Variants in SYCE2 observed in about 807,000 individuals in gnomAD.
SYCE2 encodes central element synaptonemal complex 1.
In SYCE2, 3 loss-of-function variants were observed where a neutral mutation model predicts 27.9. The observed-to-expected ratio is 0.11, with a 90% CI of 0.05 to 0.28. The LOEUF (loss-of-function observed/expected upper bound fraction) is 0.28, where lower values mean the gene tolerates loss of function less well. SYCE2 is among the 10% of genes least tolerant of loss of function. The pLI is 1.00. For synonymous variants in SYCE2, 85 were observed against 100.7 expected, an observed-to-expected ratio of 0.84 and a Z score of 0.93; for missense variants, 207 against 263.5, an observed-to-expected ratio of 0.79 and a Z score of 1.48.
At chr19:12,903,583 C>T (rs1374955087) in intron 3 of SYCE2, among the ~76,000 whole-genome samples, 1 of 152,010 alleles carries the variant, frequency 6.6e-6, no homozygotes, top group African/African-American at 2.4e-5. Context: ...GACGGGGTTT[C>T]ACCATGTTGG....
intron 2 of SYCE2, among the ~76,000 whole-genome samples, chr19:12,916,751 G>A (rs1015917927): frequency 2.0e-5 from 3 of 152,038 alleles, no homozygotes; most frequent in South Asian, 4.2e-4. Flanking sequence ...GTGTGCAACC[G>A]CACCACACCA....
At chr19:12,900,264 C>T (rs368686817) in intron 4 of SYCE2, 144 bp from the exon 5 acceptor site, 37 of 1,149,286 alleles carry the variant, frequency 3.2e-5, no homozygotes, top group East Asian at 2.7e-4. Flanking sequence ...GACATGACAA[C>T]GGTTTGGCTT....
At chr19:12,901,634 C>T (rs938796896) in intron 3 of SYCE2, among the ~76,000 whole-genome samples, 6 of 152,082 alleles carry the variant, frequency 3.9e-5, no homozygotes, top group Admixed American at 1.3e-4. Context: ...TGTTTTCTTG[C>T]GGCGGAGTTT....
At chr19:12,901,093 C>T (rs956777655) in intron 3 of SYCE2, among the ~76,000 whole-genome samples, 13 of 151,672 alleles carry the variant, frequency 8.6e-5, no homozygotes, top group Non-Finnish European at 1.3e-4. Flanking sequence ...GGCGTGAACC[C>T]GGGCGGCGGA....
intron 2 of SYCE2, among the ~76,000 whole-genome samples, chr19:12,910,539 AT>A (rs1183379764): frequency 6.7e-6 from 1 of 149,688 alleles, no homozygotes; most frequent in African/African-American, 2.5e-5. Flanking sequence ...CGCCCGGCTA[AT>A]TTTTGTATTT....
intron 2 of SYCE2, among the ~76,000 whole-genome samples, chr19:12,917,205 C>T (rs1019098683): frequency 6.6e-6 from 1 of 151,660 alleles, no homozygotes; most frequent in African/African-American, 2.4e-5. Context: ...GCTGGGATTA[C>T]AAGTGTCTGT....
chr19:12,913,228 A>C (rs570714290), intron 2 of SYCE2, among the ~76,000 whole-genome samples: 1 of 152,206 alleles, frequency 6.6e-6, no homozygotes, highest in Non-Finnish European at 1.5e-5. Flanking sequence ...TGCGAGGATT[A>C]GGACATAGTT....
rs1039073982 is a variant in SYCE2, at chr19:12,918,614, G to A, written c.16-277C>T. Among the ~76,000 whole-genome samples, 3 of 152,132 alleles carry A rather than the reference G, an allele frequency of 2.0e-5. No homozygotes were observed. In the East Asian group the frequency reaches 5.8e-4, roughly 29 times the overall value. Reference sequence around the variant, plus strand: ...ACTGGAGGACCTGGGCTCCTAACTGGTATGTGTGTTGGCTGGAGTCCTTCG... The same window carrying A: ...ACTGGAGGACCTGGGCTCCTAACTGATATGTGTGTTGGCTGGAGTCCTTCG... On this transcript the variant is annotated intron_variant, in intron 1 of 5. Coordinates refer to ENST00000293695, the MANE Select transcript of SYCE2 (RefSeq NM_001105578.2).
At position 12,919,155 on chromosome 19, in the gene SYCE2, G is replaced by A. The variant is rs1971196306; in HGVS notation, c.15+88C>T. On this transcript the variant is annotated intron_variant, in intron 1 of 5. Transcript: ENST00000293695. ...GGCAAAGGACAAGCGGCCGGGCTCG[G>A]GTCCGCTGGAGATGGCTGGGATCGC... 4.5e-6 allele frequency: 7 copies of A among 1,563,366 alleles called. No homozygotes were observed. In the South Asian group the frequency reaches 5.5e-5, roughly 12 times the overall value.
rs370920733 is a variant in SYCE2, at chr19:12,900,066, G to A, written c.550C>T (p.Arg184Cys). 204 of 1,613,688 alleles carry A rather than the reference G, an allele frequency of 1.3e-4. No homozygotes were observed. Among genetic ancestry groups the A allele is most frequent in the Non-Finnish European group, 1.7e-4 (197 of 1,179,980 alleles). The change falls in exon 5 of 6, where the codon CGT becomes TGT. Residue 184 changes from arginine (R) to cysteine (C), a missense_variant. Transcript: ENST00000293695. ...TCTGGGGGCTGTGAGTTGCCGGGAC[G>A]TGGTGGGGACTTTCCCCTAGAGTGG... is the stretch of plus-strand genomic sequence containing the variant. ...PDHSRGKSPPRPGNSQPPDVF... is the reference protein window; with the variant it reads ...PDHSRGKSPPCPGNSQPPDVF...
intron 1 of SYCE2, among the ~76,000 whole-genome samples, chr19:12,919,001 T>C (rs1599645983): frequency 6.6e-6 from 1 of 151,332 alleles, no homozygotes; most frequent in East Asian, 1.9e-4. Flanking sequence ...GCGTGGGTGT[T>C]TGTGCCTTTC....
chr19:12,910,169 C>T (rs1015327247), intron 2 of SYCE2, among the ~76,000 whole-genome samples: 2 of 151,450 alleles, frequency 1.3e-5, no homozygotes, highest in Admixed American at 1.3e-4. Flanking sequence ...CCGGCCCTAC[C>T]TTCTTAATGT....
intron 2 of SYCE2, among the ~76,000 whole-genome samples, chr19:12,905,486 C>G (rs1970918152): frequency 6.6e-6 from 1 of 151,926 alleles, no homozygotes; most frequent in Admixed American, 6.6e-5. Flanking sequence ...CGCCCGCCAC[C>G]ACGTCCAGCT....
At chr19:12,910,677 A>ATT (rs199800986) in intron 2 of SYCE2, among the ~76,000 whole-genome samples, 3,036 of 144,750 alleles carry the variant, frequency 0.021, 48 homozygotes, top group Middle Eastern at 0.077. Flanking sequence ...CTGACCTTTT[A>ATT]TATATATATA....
chr19:12,904,826 C>A, intron 2 of SYCE2, 160 bp from the exon 3 acceptor site: 1 of 764,168 alleles, frequency 1.3e-6, no homozygotes, highest in Non-Finnish European at 2.0e-6. Context: ...GGTGAAACCT[C>A]GTCTCTAGTA....
chr19:12,904,150 C>T (rs763614169), intron 3 of SYCE2, among the ~76,000 whole-genome samples: 8 of 152,172 alleles, frequency 5.3e-5, no homozygotes, highest in Admixed American at 3.3e-4. Context: ...GGGCATCCAA[C>T]GCCCCGCTCC....
intron 2 of SYCE2, among the ~76,000 whole-genome samples, chr19:12,910,963 C>T (rs1169158553): frequency 6.6e-6 from 1 of 152,104 alleles, no homozygotes; most frequent in Non-Finnish European, 1.5e-5. Flanking sequence ...AGGCGTGAGC[C>T]ACCGCACCCG....
chr19:12,913,382 GT>G (rs1315074794), intron 2 of SYCE2, among the ~76,000 whole-genome samples: 2 of 152,140 alleles, frequency 1.3e-5, no homozygotes, highest in Admixed American at 1.3e-4. Flanking sequence ...CCCTCCCTCC[GT>G]GGCCTCTAAC....
chr19:12,909,659 C>A (rs556263742), intron 2 of SYCE2, among the ~76,000 whole-genome samples: 1 of 152,068 alleles, frequency 6.6e-6, no homozygotes, highest in Non-Finnish European at 1.5e-5. Flanking sequence ...CTCCGCCTCC[C>A]GGGTTCAAGC....
Sources: allele counts gnomAD v4.1 joint callset (sites outside exome capture counted in the v4.1 genomes callset), GRCh38; gene constraint gnomAD v4.1.1; transcripts MANE v1.5; gene names NCBI Gene and HGNC (gene_info 2026-07-23, HGNC 2026-07-21).